The following GPATCH2 variants were observed in gnomAD, a reference collection of about 807,000 sequenced individuals.
GPATCH2 encodes the protein G patch domain-containing protein 2.
A neutral mutation model predicts 58.0 loss-of-function variants in GPATCH2; 51 were observed. The ratio of observed to expected loss-of-function variants is 0.88; its 90% CI spans 0.70 to 1.11. GPATCH2 has a LOEUF of 1.11. GPATCH2 is among the 50% of genes most tolerant of loss of function. GPATCH2 has a pLI of 0.00. For missense variants in GPATCH2, 625 were observed against 652.2 expected (o/e 0.96, Z 0.45); for synonymous variants, 222 against 218.5 (o/e 1.02, Z -0.14).
chr1:217,614,115 G>C (rs777629200), intron 3 of GPATCH2, 26 bp downstream of exon 3: 3 of 1,370,684 alleles, frequency 2.2e-6, no homozygotes, highest in South Asian at 2.3e-5. Context: ...TTTTTCCAAA[G>C]AGAGAAAAAA....
intron 5 of GPATCH2, among the ~76,000 whole-genome samples, chr1:217,544,853 A>G (rs1188124303): frequency 6.6e-6 from 1 of 152,166 alleles, no homozygotes; most frequent in African/African-American, 2.4e-5. Flanking sequence ...TGTAAACTTA[A>G]CTCCAATATA....
chr1:217,505,412 G>A (rs368512059), intron 6 of GPATCH2, among the ~76,000 whole-genome samples: 1 of 151,904 alleles, frequency 6.6e-6, no homozygotes, highest in South Asian at 2.1e-4. Flanking sequence ...CTTTAGGAAA[G>A]AGGTTTTAAA....
At chr1:217,535,321 T>C (rs1664406939) in intron 5 of GPATCH2, among the ~76,000 whole-genome samples, 1 of 152,358 alleles carries the variant, frequency 6.6e-6, no homozygotes, top group East Asian at 1.9e-4. Flanking sequence ...GAGTTGATAC[T>C]GAGGTAACAG....
chr1:217,496,448 TTTTG>T lies in GPATCH2; in HGVS notation c.1206+1904_1206+1907del, dbSNP rs200615102. Among the ~76,000 whole-genome samples the T allele has an allele frequency of 9.1e-3, 1,382 of 152,238 alleles. 18 individuals are homozygous for T. The highest frequency in any genetic ancestry group is 0.03 in the African/African-American group (1,247 of 41,526). ...TTTAATGCTATGAGTTTTTTGGGTT[TTTTG>T]TTTGTTTGTTTGTTTGTTTTGCATA... is the stretch of plus-strand genomic sequence containing the variant. On this transcript the variant is annotated intron_variant, in intron 7 of 9. Coordinates refer to ENST00000366935, the MANE Select transcript of GPATCH2 (RefSeq NM_018040.5).
intron 1 of GPATCH2, among the ~76,000 whole-genome samples, chr1:217,624,841 T>C (rs965948805): frequency 2.0e-5 from 3 of 152,228 alleles, no homozygotes; most frequent in Non-Finnish European, 4.4e-5. Context: ...TGGAACTCAT[T>C]TGGAAATGAA....
Position 217,498,540 on chromosome 1 carries a change from T to C in GPATCH2, c.1167-145A>G. 4.3e-6 allele frequency: 3 copies of C among 698,858 alleles called. No homozygotes were observed. The South Asian group carries it at 4.9e-5, about 11-fold the overall frequency. The allele number at this position is 698,858 out of a possible 1,614,324, so 43.3% of individuals were successfully genotyped here. A position where few individuals can be genotyped will look rare whatever the true frequency, so the allele number is the denominator to read the frequency against. The stretch of plus-strand genomic sequence containing the variant: ...TATTTTAATGGATGTTTCATGTAAT[T>C]CTAGACTTAGACCAATTTTGACAGA... On this transcript the variant is annotated intron_variant, in intron 6 of 9. Transcript: ENST00000366935.
At chr1:217,566,829 T>C (rs1280891487) in intron 5 of GPATCH2, among the ~76,000 whole-genome samples, 4 of 152,192 alleles carry the variant, frequency 2.6e-5, no homozygotes, top group Non-Finnish European at 4.4e-5. Flanking sequence ...AAATAGAATA[T>C]AGACTGTTTT....
intron 5 of GPATCH2, among the ~76,000 whole-genome samples, chr1:217,544,385 T>C (rs1558472533): frequency 6.6e-6 from 1 of 150,910 alleles, no homozygotes; most frequent in Non-Finnish European, 1.5e-5. Flanking sequence ...AGAACTAGAC[T>C]CTGTTCCAAA....
intron 6 of GPATCH2, among the ~76,000 whole-genome samples, chr1:217,513,760 G>T (rs1156554996): frequency 6.6e-6 from 1 of 151,612 alleles, no homozygotes; most frequent in Non-Finnish European, 1.5e-5. Context: ...TGTTTCATGG[G>T]TCTTTATATT....
At chr1:217,509,102 TGAGAAG>T (rs1415155480) in intron 6 of GPATCH2, among the ~76,000 whole-genome samples, 4 of 152,108 alleles carry the variant, frequency 2.6e-5, no homozygotes, top group Admixed American at 6.5e-5. Context: ...CACTTTGGGA[TGAGAAG>T]GCGGGTGGAT....
chr1:217,611,089 ACC>A lies in GPATCH2; in HGVS notation c.836-20_836-19del. The A allele has an allele frequency of 2.6e-6, 4 of 1,530,402 alleles. No individual in the cohort carries two copies. Among genetic ancestry groups the A allele is most frequent in the Admixed American group, 1.9e-5 (1 of 53,796 alleles). 94.8% of individuals were successfully genotyped at this position (1,530,402 alleles called of 1,614,324 possible). On this transcript the variant is annotated intron_variant, in intron 3 of 9. Transcript: ENST00000366935. ...ATCATCACCTGTGCAAATACAAGAA[ACC>A]CCCCCCCACCAAAGACTCAGTTTTA...
At chr1:217,593,454 G>T (rs1411627194) in intron 5 of GPATCH2, among the ~76,000 whole-genome samples, 1 of 151,922 alleles carries the variant, frequency 6.6e-6, no homozygotes, top group Non-Finnish European at 1.5e-5. Flanking sequence ...CAGTGATTTA[G>T]ATTAAATGTA....
chr1:217,548,065 T>C (rs1665153282), intron 5 of GPATCH2, among the ~76,000 whole-genome samples: 1 of 152,218 alleles, frequency 6.6e-6, no homozygotes, highest in Non-Finnish European at 1.5e-5. Context: ...CCTGTGGAGC[T>C]GTGAGTCAAT....
At chr1:217,505,364 G>A (rs1419014971) in intron 6 of GPATCH2, among the ~76,000 whole-genome samples, 1 of 151,720 alleles carries the variant, frequency 6.6e-6, no homozygotes, top group Non-Finnish European at 1.5e-5. Context: ...CTGTGGAGTA[G>A]AAATAATTTT....
chr1:217,572,401 C>G (rs1000185518), intron 5 of GPATCH2, among the ~76,000 whole-genome samples: 1 of 152,064 alleles, frequency 6.6e-6, no homozygotes, highest in African/African-American at 2.4e-5. Flanking sequence ...TTCCATAAAG[C>G]CTGGACACAA....
In GPATCH2 at chr1:217,438,962, C is replaced by T. The variant is rs145112353; in HGVS notation, c.1367-7597G>A. On this transcript the variant is annotated intron_variant, in intron 9 of 9. Coordinates refer to ENST00000366935, the MANE Select transcript of GPATCH2 (RefSeq NM_018040.5). Reference sequence around the variant, plus strand: ...CTGCTGCCAATATTAGACAGAGCAACGAGACAGAAAATTAACAAGGATATT... The same window carrying T: ...CTGCTGCCAATATTAGACAGAGCAATGAGACAGAAAATTAACAAGGATATT... 4.6e-5 allele frequency among the ~76,000 whole-genome samples: 7 copies of T among 152,226 alleles called. No individual in the cohort carries two copies. In the East Asian group the frequency reaches 9.7e-4, roughly 21 times the overall value.
chr1:217,510,139 G>T (rs955612343), intron 6 of GPATCH2, among the ~76,000 whole-genome samples: 14 of 152,018 alleles, frequency 9.2e-5, no homozygotes, highest in African/African-American at 3.1e-4. Context: ...TACCATTTTT[G>T]AATATGTATT....
At chr1:217,501,389 T>G (rs1021045433) in intron 6 of GPATCH2, among the ~76,000 whole-genome samples, 3 of 152,166 alleles carry the variant, frequency 2.0e-5, no homozygotes, top group Non-Finnish European at 4.4e-5. Flanking sequence ...CTATTATGAA[T>G]AAAGCTGCTG....
intron 5 of GPATCH2, among the ~76,000 whole-genome samples, chr1:217,562,015 G>A (rs1194567004): frequency 6.6e-6 from 1 of 152,144 alleles, no homozygotes; most frequent in Non-Finnish European, 1.5e-5. Context: ...ACATACCTGA[G>A]CATACAACTT....
Sources: gnomAD v4.1 joint callset for allele counts (sites outside exome capture counted in the v4.1 genomes callset) on GRCh38, gnomAD v4.1.1 for gene constraint, MANE v1.5 for transcripts, NCBI Gene and HGNC (gene_info 2026-07-23, HGNC 2026-07-21) for gene names.